Variants in DIP2C observed in about 807,000 individuals in gnomAD.
DIP2C encodes the protein disco-interacting protein 2 homolog C.
Under a neutral mutation model 192.4 loss-of-function variants are expected in DIP2C, and 33 were observed. That is an observed-to-expected ratio of 0.17 (90% CI 0.13 to 0.23). The LOEUF (loss-of-function observed/expected upper bound fraction) is 0.23. DIP2C is among the 10% of genes least tolerant of loss of function. The pLI, the probability that DIP2C is intolerant of heterozygous loss-of-function variation, is 1.00. For missense variants in DIP2C, 1,537 were observed against 2,110.1 expected (o/e 0.73, Z 5.32); for synonymous variants, 979 against 864.1 (o/e 1.13, Z -2.33).
intron 32 of DIP2C, 45 bp downstream of exon 32, chr10:309,981 GAACAA>G (rs750772904): frequency 1.3e-6 from 2 of 1,587,842 alleles, no homozygotes; most frequent in Admixed American, 1.7e-5. Flanking sequence ...CAAGGCCGCA[GAACAA>G]AACAAAAAAA....
At chr10:647,500 G>A (rs1375599821) in intron 1 of DIP2C, among the ~76,000 whole-genome samples, 4 of 151,476 alleles carry the variant, frequency 2.6e-5, no homozygotes, top group East Asian at 2.0e-4. Flanking sequence ...GACGGTGGGC[G>A]AGAACAGGGA....
chr10:560,687 T>C (rs1423223079), intron 1 of DIP2C, among the ~76,000 whole-genome samples: 2 of 152,214 alleles, frequency 1.3e-5, no homozygotes, highest in African/African-American at 4.8e-5. Context: ...AGAAACAACG[T>C]AATCACTTTC....
intron 31 of DIP2C, among the ~76,000 whole-genome samples, chr10:319,466 A>G (rs993201916): frequency 2.0e-5 from 3 of 152,174 alleles, no homozygotes; most frequent in Non-Finnish European, 4.4e-5. Context: ...AGAAGACCTC[A>G]TGTTTTTCTT....
chr10:447,612 C>A (rs1308824969), intron 3 of DIP2C, among the ~76,000 whole-genome samples: 4 of 144,938 alleles, frequency 2.8e-5, no homozygotes, highest in Middle Eastern at 3.8e-3. Context: ...GCAGGACCCA[C>A]TCATCCCTGT....
intron 7 of DIP2C, among the ~76,000 whole-genome samples, chr10:414,735 G>A (rs796875437): frequency 0.047 from 2,513 of 53,030 alleles, 132 homozygotes; most frequent in African/African-American, 0.13. Flanking sequence ...GTGTGTGTGT[G>A]TGTGTACATA....
chr10:559,760 G>A (rs1250082168), intron 1 of DIP2C, among the ~76,000 whole-genome samples: 1 of 152,178 alleles, frequency 6.6e-6, no homozygotes, highest in East Asian at 1.9e-4. Flanking sequence ...CACCCCAGAG[G>A]AGGAAGCCCA....
chr10:369,964 C>A (rs899506988), intron 17 of DIP2C: 2 of 985,256 alleles, frequency 2.0e-6, no homozygotes, highest in African/African-American at 3.5e-5. Flanking sequence ...CACAGACCAG[C>A]TCTCTCTTTC....
At chr10:398,206 A>G (rs953888693) in intron 10 of DIP2C, among the ~76,000 whole-genome samples, 1 of 152,144 alleles carries the variant, frequency 6.6e-6, no homozygotes, top group Non-Finnish European at 1.5e-5. Context: ...AGTCTGGCAC[A>G]TTTTTAAGTC....
chr10:512,888 C>T (rs1353272451), intron 1 of DIP2C, among the ~76,000 whole-genome samples: 1 of 137,644 alleles, frequency 7.3e-6, no homozygotes, highest in East Asian at 2.1e-4. Context: ...TACTCCACTC[C>T]AGCCTGGGTG....
chr10:593,005 A>G (rs1468880115), intron 1 of DIP2C, among the ~76,000 whole-genome samples: 1 of 152,242 alleles, frequency 6.6e-6, no homozygotes, highest in African/African-American at 2.4e-5. Context: ...AAATACAGCC[A>G]TAAAACTGGT....
chr10:382,155 T>G (rs991630251), intron 17 of DIP2C, among the ~76,000 whole-genome samples: 55 of 152,316 alleles, frequency 3.6e-4, no homozygotes, highest in African/African-American at 1.1e-3. Flanking sequence ...TTTACCTACT[T>G]TAAATTTCAC....
intron 17 of DIP2C, among the ~76,000 whole-genome samples, chr10:370,294 G>A (rs1320082281): frequency 3.3e-5 from 5 of 152,202 alleles, no homozygotes; most frequent in East Asian, 1.9e-4. Flanking sequence ...CTGCGCACAC[G>A]TTCACCACGC....
chr10:477,998 A>G (rs1843227561), intron 2 of DIP2C, among the ~76,000 whole-genome samples: 1 of 30,780 alleles, frequency 3.2e-5, no homozygotes, highest in Non-Finnish European at 6.4e-5. Context: ...AGAAGATAGA[A>G]GAGGAAAAAA....
chr10:426,714 A>G (rs1356185111), intron 4 of DIP2C, among the ~76,000 whole-genome samples: 1 of 152,242 alleles, frequency 6.6e-6, no homozygotes, highest in African/African-American at 2.4e-5. Context: ...CGGTCAATTT[A>G]TTTTTGACAA....
chr10:446,595 G>A (rs1589814993), intron 3 of DIP2C, among the ~76,000 whole-genome samples: 1 of 152,124 alleles, frequency 6.6e-6, no homozygotes, highest in East Asian at 1.9e-4. Flanking sequence ...ATTGACGAGG[G>A]CCCCAGTGAG....
At chr10:584,171 CAT>C (rs1161831680) in intron 1 of DIP2C, among the ~76,000 whole-genome samples, 1 of 152,130 alleles carries the variant, frequency 6.6e-6, no homozygotes, top group African/African-American at 2.4e-5. Flanking sequence ...AAAAACAAAA[CAT>C]CAACTATGCA....
Position 363,658 on chromosome 10 carries a change from C to T in DIP2C, c.2478-347G>A, listed in dbSNP as rs1412139437. Among the ~76,000 whole-genome samples, 1 of 152,200 alleles carries T rather than the reference C, an allele frequency of 6.6e-6. No homozygotes were observed. On this transcript the variant is annotated intron_variant, in intron 20 of 36. Transcript: ENST00000280886. This position sits in a 1 kb window ranked among gnomAD's most constrained non-coding sequence, Gnocchi z 5.4. Reference sequence around the variant, plus strand: ...TCACACCCTTCACAGCTCGAGTTTGCACCCGTGAAGTTAACGGTCTCCAAA... The same window carrying T: ...TCACACCCTTCACAGCTCGAGTTTGTACCCGTGAAGTTAACGGTCTCCAAA...
intron 1 of DIP2C, among the ~76,000 whole-genome samples, chr10:621,064 A>C (rs886773988): frequency 6.6e-6 from 1 of 152,198 alleles, no homozygotes; most frequent in African/African-American, 2.4e-5. Flanking sequence ...GAGAGGAAGA[A>C]TCTGAAACCT....
intron 24 of DIP2C, among the ~76,000 whole-genome samples, chr10:352,871 G>A (rs1958890853): frequency 6.6e-6 from 1 of 152,132 alleles, no homozygotes; most frequent in Non-Finnish European, 1.5e-5. Flanking sequence ...TTGCTCCCCA[G>A]GAATCCTAAT....
Sources: allele counts gnomAD v4.1 joint callset (sites outside exome capture counted in the v4.1 genomes callset), GRCh38; gene constraint gnomAD v4.1.1; non-coding constraint Gnocchi (gnomAD v3.1); transcripts MANE v1.5; gene names NCBI Gene and HGNC (gene_info 2026-07-23, HGNC 2026-07-21).